Variants in SMAD3 observed in about 807,000 individuals in gnomAD.
The protein encoded by SMAD3 is SMAD family member 3.
Under a neutral mutation model 51.8 loss-of-function variants are expected in SMAD3, and 12 were observed. The ratio of observed to expected loss-of-function variants is 0.23; its 90% confidence interval spans 0.15 to 0.38. The LOEUF is 0.38. Among genes scored for constraint, SMAD3 ranks in the 10% least tolerant of loss-of-function variants. SMAD3 has a pLI of 1.00. For missense variants in SMAD3, 294 were observed against 565.6 expected (o/e 0.52, Z 4.87); for synonymous variants, 238 against 227.7 (o/e 1.05, Z -0.41).
chr15:67,147,840 A>G (rs1962020939), intron 1 of SMAD3, among the ~76,000 whole-genome samples: 1 of 152,138 alleles, frequency 6.6e-6, no homozygotes, highest in Non-Finnish European at 1.5e-5. Context: ...ATTCCTTTAT[A>G]TCCCACATGA....
chr15:67,146,471 G>A (rs370400051), intron 1 of SMAD3, among the ~76,000 whole-genome samples: 21 of 152,326 alleles, frequency 1.4e-4, no homozygotes, highest in South Asian at 4.1e-4. Context: ...GGCCTAGAGC[G>A]GGTAGTGTGG....
intron 1 of SMAD3, among the ~76,000 whole-genome samples, chr15:67,086,920 A>T (rs1391822090): frequency 7.0e-6 from 1 of 141,846 alleles, no homozygotes; most frequent in Non-Finnish European, 1.5e-5. Flanking sequence ...TCTGAGACGG[A>T]GTTTCGCTCT....
chr15:67,082,074 T>A (rs1395058197), intron 1 of SMAD3, among the ~76,000 whole-genome samples: 3 of 152,172 alleles, frequency 2.0e-5, no homozygotes, highest in Non-Finnish European at 4.4e-5. Context: ...TTACTGATGA[T>A]GTCTTGCTGA....
chr15:67,131,378 G>T (rs751673978), intron 1 of SMAD3, among the ~76,000 whole-genome samples: 1 of 152,160 alleles, frequency 6.6e-6, no homozygotes. Context: ...GGAGATAGTC[G>T]TTGAGTTGTT....
intron 1 of SMAD3, among the ~76,000 whole-genome samples, chr15:67,066,689 A>T (rs912381954): frequency 2.0e-5 from 3 of 151,960 alleles, no homozygotes; most frequent in African/African-American, 7.2e-5. Flanking sequence ...CTGGGGCTGG[A>T]AGTTGAGGCC....
intron 5 of SMAD3, among the ~76,000 whole-genome samples, chr15:67,177,154 T>C (rs1006933716): frequency 6.6e-6 from 1 of 152,196 alleles, no homozygotes; most frequent in African/African-American, 2.4e-5. Context: ...TCTTTTAAGA[T>C]TTAATGCCAG....
intron 1 of SMAD3, among the ~76,000 whole-genome samples, chr15:67,120,219 T>C (rs1406877369): frequency 7.9e-5 from 12 of 152,170 alleles, no homozygotes; most frequent in East Asian, 1.9e-4. Context: ...GGGTACTTTA[T>C]GGGAAAAAGA....
chr15:67,066,110 G>T lies in SMAD3; in HGVS notation c.-45G>T, dbSNP rs2140188559. 6.6e-7 allele frequency: 1 copy of T among 1,505,500 alleles called. No individual in the cohort carries two copies. The highest frequency in any genetic ancestry group is 2.3e-4 in the Middle Eastern group (1 of 4,298). 93.3% of individuals were successfully genotyped at this position (1,505,500 alleles called of 1,614,324 possible). On this transcript the variant is annotated 5_prime_UTR_variant, in exon 1 of 9. Transcript: ENST00000327367. ...CGCCCCCGGCGTCCCGTCGAGCCCA[G>T]CCCCGCCGGGGGCGCTCCTCGCCGC...
chr15:67,163,967 A>T (rs1962501696), intron 1 of SMAD3, among the ~76,000 whole-genome samples: 2 of 150,930 alleles, frequency 1.3e-5, no homozygotes, highest in Admixed American at 1.3e-4. Flanking sequence ...AAAAAAAAAA[A>T]AATCCCTTTA....
At chr15:67,101,227 GCTT>G (rs1960748545) in intron 1 of SMAD3, among the ~76,000 whole-genome samples, 2 of 152,160 alleles carry the variant, frequency 1.3e-5, no homozygotes, top group African/African-American at 2.4e-5. Flanking sequence ...ATGTGACACT[GCTT>G]CTTCTTTTCT....
intron 1 of SMAD3, among the ~76,000 whole-genome samples, chr15:67,101,466 T>G (rs1023644606): frequency 1.3e-5 from 2 of 152,172 alleles, no homozygotes; most frequent in Admixed American, 1.3e-4. Flanking sequence ...CCCTCTGGCA[T>G]GTACTGGGTA....
chr15:67,140,409 T>C lies in SMAD3; in HGVS notation c.207-24486T>C, dbSNP rs1458258315. Among the ~76,000 whole-genome samples, 4 of 152,348 alleles carry C rather than the reference T, an allele frequency of 2.6e-5. No individual in the cohort carries two copies. In the South Asian group the frequency reaches 8.3e-4, roughly 32 times the overall value. ...TAGCTCTCTTCTTTTTTCTAACTTC[T>C]CTTTATTCCACCGTTCTCTCTTTAC... On this transcript the variant is annotated intron_variant, in intron 1 of 8. Coordinates refer to ENST00000327367, the MANE Select transcript of SMAD3 (RefSeq NM_005902.4).
intron 6 of SMAD3, among the ~76,000 whole-genome samples, chr15:67,183,607 A>C (rs1051820907): frequency 5.9e-5 from 9 of 152,088 alleles, no homozygotes; most frequent in African/African-American, 2.2e-4. Flanking sequence ...TGTTCATCCT[A>C]CCGGATGCTG....
At chr15:67,135,560 A>T (rs28751905) in intron 1 of SMAD3, among the ~76,000 whole-genome samples, 10 of 136,568 alleles carry the variant, frequency 7.3e-5, no homozygotes, top group African/African-American at 2.6e-4. Flanking sequence ...TTTTTTTTTA[A>T]AAAAAACTTT....
At chr15:67,175,038 C>T (rs1334825492) in intron 5 of SMAD3, among the ~76,000 whole-genome samples, 1 of 152,210 alleles carries the variant, frequency 6.6e-6, no homozygotes, top group Non-Finnish European at 1.5e-5. Context: ...GGTGATGTTC[C>T]TGTTATTACA....
chr15:67,183,285 C>G (rs1160317821), intron 6 of SMAD3, among the ~76,000 whole-genome samples: 2 of 151,824 alleles, frequency 1.3e-5, no homozygotes, highest in Non-Finnish European at 2.9e-5. Context: ...CTCAGGTGAT[C>G]TGCCCGCCTC....
chr15:67,181,471 TC>T lies in SMAD3; in HGVS notation c.871+22del. ...ACACATCGGTATGGGGTGGCTCCAT[TC>T]CCCGCCCCCCCACCCTGCCCCTGCC... is the stretch of plus-strand genomic sequence containing the variant. On this transcript the variant is annotated intron_variant, in intron 6 of 8. Coordinates refer to ENST00000327367, the MANE Select transcript of SMAD3 (RefSeq NM_005902.4). 2 of 1,521,128 alleles carry T rather than the reference TC, an allele frequency of 1.3e-6. No homozygotes were observed. The highest frequency in any genetic ancestry group is 1.8e-6 in the Non-Finnish European group (2 of 1,132,034). The allele number at this position is 1,521,128 out of a possible 1,614,324, so 94.2% of individuals were successfully genotyped here.
chr15:67,084,774 T>G (rs1419878241), intron 1 of SMAD3, among the ~76,000 whole-genome samples: 1 of 152,230 alleles, frequency 6.6e-6, no homozygotes, highest in Non-Finnish European at 1.5e-5. Context: ...AAGCACAGGT[T>G]TTCTGTGCTT....
chr15:67,112,325 ATTTTT>A (rs56655463), intron 1 of SMAD3, among the ~76,000 whole-genome samples: 2 of 102,712 alleles, frequency 1.9e-5, no homozygotes, highest in Non-Finnish European at 3.9e-5. Flanking sequence ...AATTTTTTGT[ATTTTT>A]TTTTTTTTTT....
Sources: gnomAD v4.1 joint callset for allele counts (sites outside exome capture counted in the v4.1 genomes callset) on GRCh38, gnomAD v4.1.1 for gene constraint, MANE v1.5 for transcripts, NCBI Gene and HGNC (gene_info 2026-07-23, HGNC 2026-07-21) for gene names.